Variants in XPO4 observed in about 807,000 individuals in gnomAD.
XPO4 encodes the protein exportin 4.
A neutral mutation model predicts 143.0 loss-of-function variants in XPO4; 39 were observed. The ratio of observed to expected loss-of-function variants is 0.27; its 90% confidence interval spans 0.21 to 0.36. The LOEUF (loss-of-function observed/expected upper bound fraction) is 0.36. XPO4 is among the 10% of genes least tolerant of loss of function. The pLI is 1.00. For missense variants in XPO4, 907 were observed against 1,348.0 expected (o/e 0.67, Z 5.12); for synonymous variants, 439 against 474.0 (o/e 0.93, Z 0.96).
At chr13:20,840,592 G>T (rs1205859193) in intron 6 of XPO4, among the ~76,000 whole-genome samples, 1 of 152,106 alleles carries the variant, frequency 6.6e-6, no homozygotes, top group East Asian at 1.9e-4. Context: ...ATGGTACAAG[G>T]CTGCATAATT....
chr13:20,795,312 T>C (rs1457175688), intron 18 of XPO4, among the ~76,000 whole-genome samples: 1 of 152,180 alleles, frequency 6.6e-6, no homozygotes. Flanking sequence ...TATACACATA[T>C]ATGAGGTTTA....
intron 9 of XPO4, among the ~76,000 whole-genome samples, chr13:20,819,729 A>G (rs989316503): frequency 2.6e-5 from 4 of 152,298 alleles, no homozygotes; most frequent in African/African-American, 9.6e-5. Flanking sequence ...TACTATTACT[A>G]CAATTACTGG....
intron 6 of XPO4, among the ~76,000 whole-genome samples, chr13:20,829,508 A>T (rs1362790307): frequency 6.6e-6 from 1 of 152,218 alleles, no homozygotes; most frequent in Non-Finnish European, 1.5e-5. Flanking sequence ...TTACCATTTT[A>T]GTAGCTAGCA....
In XPO4 at chr13:20,822,207, G is replaced by A; in HGVS notation, c.923C>T (p.Pro308Leu). 6.2e-7 allele frequency: 1 copy of A among 1,613,924 alleles called. No individual in the cohort carries two copies. Among genetic ancestry groups the A allele is most frequent in the Non-Finnish European group, 8.5e-7 (1 of 1,179,888 alleles). The change falls in exon 8 of 23, where the codon CCC (proline) becomes CTC (leucine). Residue 308 changes from proline (P) to leucine (L), a missense_variant. Physicochemically the swap from Pro to Leu is moderately conservative, Grantham distance 98. Coordinates refer to ENST00000255305, the MANE Select transcript of XPO4 (RefSeq NM_022459.5). ...CLAQLASLHG[P>L]IFPDEGSQVD... is the part of the protein sequence containing the mutation. Reference sequence around the variant, plus strand: ...TTGTGATCCTTCATCTGGGAAGATGGGTCCATGAAGAGAAGCTAACTGGGC... The same window carrying A: ...TTGTGATCCTTCATCTGGGAAGATGAGTCCATGAAGAGAAGCTAACTGGGC...
intron 18 of XPO4, among the ~76,000 whole-genome samples, chr13:20,795,007 T>TAAAAAAA (rs5802088): frequency 7.4e-6 from 1 of 134,538 alleles, no homozygotes; most frequent in Non-Finnish European, 1.6e-5. Context: ...CCCAAGAATT[T>TAAAAAAA]AAAAAAAAAA....
At chr13:20,822,328 T>G in intron 7 of XPO4, 39 bp from the exon 8 acceptor site, 1 of 1,578,626 alleles carries the variant, frequency 6.3e-7, no homozygotes, top group Non-Finnish European at 8.6e-7. Flanking sequence ...TATAAATTCT[T>G]CCTTTGTAAG....
At position 20,822,062 on chromosome 13, in the gene XPO4, T is replaced by C. The variant is rs1191022333; in HGVS notation, c.998+70A>G. On this transcript the variant is annotated intron_variant, in intron 8 of 22. Coordinates refer to ENST00000255305, the MANE Select transcript of XPO4 (RefSeq NM_022459.5). ...TAAGGGGGAAAAAATAACTAGTTTC[T>C]TTTTTTCTTCTACTGTTAAACACAA... The C allele has an allele frequency of 6.7e-6, 10 of 1,501,554 alleles. No individual in the cohort carries two copies. In the African/African-American group the frequency reaches 9.8e-5, roughly 15 times the overall value. The allele number at this position is 1,501,554 out of a possible 1,614,324, so 93.0% of individuals were successfully genotyped here.
chr13:20,862,225 A>T (rs1397785844), intron 3 of XPO4, among the ~76,000 whole-genome samples: 1 of 152,228 alleles, frequency 6.6e-6, no homozygotes, highest in Non-Finnish European at 1.5e-5. Context: ...CTAAGCATCA[A>T]AAGAACAAGT....
At chr13:20,884,153 T>A (rs2060439974) in intron 1 of XPO4, among the ~76,000 whole-genome samples, 1 of 152,110 alleles carries the variant, frequency 6.6e-6, no homozygotes, top group Non-Finnish European at 1.5e-5. Context: ...GGCAGGAGGA[T>A]CGCTTAAGCC....
intron 1 of XPO4, among the ~76,000 whole-genome samples, chr13:20,885,096 G>A (rs762840171): frequency 6.6e-6 from 1 of 152,080 alleles, no homozygotes; most frequent in Non-Finnish European, 1.5e-5. Flanking sequence ...GGGATTACAG[G>A]CATGCGCCAC....
At chr13:20,892,615 C>G (rs2060528829) in intron 1 of XPO4, among the ~76,000 whole-genome samples, 2 of 152,200 alleles carry the variant, frequency 1.3e-5, no homozygotes, top group South Asian at 4.2e-4. Context: ...TAGAGTCCAG[C>G]AAGAGAGACC....
intron 1 of XPO4, among the ~76,000 whole-genome samples, chr13:20,878,974 T>G (rs1473153673): frequency 6.6e-6 from 1 of 152,138 alleles, no homozygotes; most frequent in African/African-American, 2.4e-5. Context: ...AAGACAAAAA[T>G]GGTGGACAAA....
intron 6 of XPO4, among the ~76,000 whole-genome samples, chr13:20,830,279 C>T (rs1443641449): frequency 6.6e-6 from 1 of 152,104 alleles, no homozygotes; most frequent in Admixed American, 6.5e-5. Context: ...TCAGAAAATA[C>T]CTTTCCCCAT....
chr13:20,884,169 G>C (rs1208189522), intron 1 of XPO4, among the ~76,000 whole-genome samples: 1 of 152,158 alleles, frequency 6.6e-6, no homozygotes, highest in Non-Finnish European at 1.5e-5. Context: ...AAGCCCAGGA[G>C]TTCAAGACTG....
intron 1 of XPO4, among the ~76,000 whole-genome samples, chr13:20,874,212 C>T (rs2060330291): frequency 6.6e-6 from 1 of 151,946 alleles, no homozygotes; most frequent in Non-Finnish European, 1.5e-5. Flanking sequence ...TTTATAGGAC[C>T]ATTAAAAAAC....
chr13:20,859,030 T>C (rs1435408235), intron 3 of XPO4, among the ~76,000 whole-genome samples: 1 of 151,894 alleles, frequency 6.6e-6, no homozygotes, highest in African/African-American at 2.4e-5. Context: ...TCAAAATGAT[T>C]TTAAAATGAG....
intron 1 of XPO4, among the ~76,000 whole-genome samples, chr13:20,894,163 T>G (rs1002597710): frequency 1.8e-4 from 27 of 152,268 alleles, no homozygotes; most frequent in African/African-American, 6.0e-4. Context: ...GTTTTAATAA[T>G]CACCCTAAGA....
chr13:20,851,619 G>T, intron 4 of XPO4: 2 of 500,174 alleles, frequency 4.0e-6, no homozygotes, highest in Non-Finnish European at 5.1e-6. Context: ...TAAGGTAGAA[G>T]AATCACCTGA....
chr13:20,834,864 G>C (rs1449477527), intron 6 of XPO4, among the ~76,000 whole-genome samples: 1 of 152,134 alleles, frequency 6.6e-6, no homozygotes, highest in Non-Finnish European at 1.5e-5. Flanking sequence ...GGGAGGCTGA[G>C]GCAGGAGGAC....
Sources: allele counts gnomAD v4.1 joint callset (sites outside exome capture counted in the v4.1 genomes callset), GRCh38; gene constraint gnomAD v4.1.1; transcripts MANE v1.5; gene names NCBI Gene and HGNC (gene_info 2026-07-23, HGNC 2026-07-21).